The following GRID2 variants were observed in gnomAD, a reference collection of about 807,000 sequenced individuals.
The protein encoded by GRID2 is glutamate ionotropic receptor delta type subunit 2, also known as glutamate receptor ionotropic, delta-2.
Under a neutral mutation model 114.8 loss-of-function variants are expected in GRID2, and 33 were observed. The observed-to-expected ratio is 0.29, with a 90% CI of 0.22 to 0.38. The LOEUF (loss-of-function observed/expected upper bound fraction) is 0.38. Ranked by LOEUF, GRID2 falls within the 10% of genes least tolerant of loss-of-function variation. GRID2 has a pLI of 1.00. For missense variants in GRID2, 1,184 were observed against 1,257.7 expected (o/e 0.94, Z 0.89); for synonymous variants, 505 against 449.9 (o/e 1.12, Z -1.55).
chr4:92,376,399 T>C (rs1729359648), intron 1 of GRID2, among the ~76,000 whole-genome samples: 1 of 152,190 alleles, frequency 6.6e-6, no homozygotes, highest in Non-Finnish European at 1.5e-5. Context: ...CCTATGGTCT[T>C]AGGCAGCTCT....
chr4:92,474,542 G>T (rs1008939330), intron 1 of GRID2, among the ~76,000 whole-genome samples: 1 of 152,200 alleles, frequency 6.6e-6, no homozygotes, highest in Non-Finnish European at 1.5e-5. Context: ...ACAGAAGTGA[G>T]AATGCTGGAT....
intron 13 of GRID2, among the ~76,000 whole-genome samples, chr4:93,577,068 A>G (rs924195151): frequency 6.6e-6 from 1 of 152,196 alleles, no homozygotes; most frequent in Non-Finnish European, 1.5e-5. Context: ...CCTTTCCCCA[A>G]AAATGTGTGT....
At chr4:93,700,269 T>C (rs975497112) in intron 14 of GRID2, among the ~76,000 whole-genome samples, 14 of 152,114 alleles carry the variant, frequency 9.2e-5, no homozygotes, top group African/African-American at 3.4e-4. Flanking sequence ...ATATAAACCA[T>C]CTTATTCATG....
chr4:92,960,477 T>C (rs980980629), intron 2 of GRID2, among the ~76,000 whole-genome samples: 2 of 152,068 alleles, frequency 1.3e-5, no homozygotes, highest in African/African-American at 4.8e-5. Flanking sequence ...GACTGTCATG[T>C]CTTCTTAAAG....
intron 11 of GRID2, among the ~76,000 whole-genome samples, chr4:93,487,421 A>G (rs1408974294): frequency 6.6e-6 from 1 of 151,838 alleles, no homozygotes; most frequent in African/African-American, 2.4e-5. Context: ...CCTTCAATAC[A>G]ATTTAGCTGC....
At chr4:92,761,565 C>T (rs547855584) in intron 2 of GRID2, among the ~76,000 whole-genome samples, 2 of 152,240 alleles carry the variant, frequency 1.3e-5, no homozygotes, top group South Asian at 4.1e-4. Flanking sequence ...CACCAAAATG[C>T]AGACTTCAAA....
At chr4:92,921,152 G>A (rs1014199951) in intron 2 of GRID2, among the ~76,000 whole-genome samples, 3 of 152,022 alleles carry the variant, frequency 2.0e-5, no homozygotes, top group African/African-American at 4.8e-5. Flanking sequence ...GGCTACTGAG[G>A]CTTGTACATT....
At chr4:93,007,344 TA>T (rs938477328) in intron 2 of GRID2, among the ~76,000 whole-genome samples, 2 of 151,308 alleles carry the variant, frequency 1.3e-5, no homozygotes, top group Non-Finnish European at 3.0e-5. Context: ...AAGGATATTT[TA>T]AAAAAAAACC....
intron 2 of GRID2, among the ~76,000 whole-genome samples, chr4:92,624,637 T>C (rs1327444666): frequency 1.3e-5 from 2 of 151,812 alleles, no homozygotes; most frequent in African/African-American, 4.8e-5. Context: ...AGAGTTTCTC[T>C]CAGTAAATTC....
chr4:93,522,968 G>A (rs1382165013), intron 13 of GRID2, among the ~76,000 whole-genome samples: 3 of 152,128 alleles, frequency 2.0e-5, no homozygotes, highest in African/African-American at 7.2e-5. Context: ...GTGACAGAAA[G>A]CCAAGTGATA....
At chr4:92,685,957 G>T (rs1733878463) in intron 2 of GRID2, among the ~76,000 whole-genome samples, 1 of 151,928 alleles carries the variant, frequency 6.6e-6, no homozygotes, top group African/African-American at 2.4e-5. Flanking sequence ...TTTACTCTCA[G>T]TTTAACGTTA....
At chr4:93,136,633 A>T (rs1210593713) in intron 4 of GRID2, among the ~76,000 whole-genome samples, 2 of 152,174 alleles carry the variant, frequency 1.3e-5, no homozygotes, top group South Asian at 2.1e-4. Flanking sequence ...TTGTATATAA[A>T]TGTTATATAT....
At chr4:93,315,692 T>C (rs1756505204) in intron 8 of GRID2, among the ~76,000 whole-genome samples, 1 of 152,144 alleles carries the variant, frequency 6.6e-6, no homozygotes, top group South Asian at 2.1e-4. Context: ...TAAATATTTA[T>C]GGAATGAATG....
intron 4 of GRID2, among the ~76,000 whole-genome samples, chr4:93,149,989 T>C (rs1006313437): frequency 6.6e-6 from 1 of 151,950 alleles, no homozygotes; most frequent in African/African-American, 2.4e-5. Context: ...TGAAATCTTA[T>C]CAAGAGAAGT....
chr4:92,997,841 AT>A (rs1755295396), intron 2 of GRID2, among the ~76,000 whole-genome samples: 1 of 152,168 alleles, frequency 6.6e-6, no homozygotes, highest in South Asian at 2.1e-4. Context: ...GTTGAAAAAT[AT>A]CAGAAAATCT....
chr4:92,939,798 C>G (rs1474492922), intron 2 of GRID2, among the ~76,000 whole-genome samples: 1 of 147,258 alleles, frequency 6.8e-6, no homozygotes, highest in Non-Finnish European at 1.5e-5. Flanking sequence ...AGCCAGTTTT[C>G]CCAGCACCAT....
chr4:93,327,138 G>A (rs1433668), intron 8 of GRID2, among the ~76,000 whole-genome samples: 54,438 of 151,798 alleles, frequency 0.36, 11,561 homozygotes, highest in African/African-American at 0.59. Flanking sequence ...GTCTTATTCA[G>A]TATGGTTTTT....
At chr4:92,788,739 T>C (rs1739438333) in intron 2 of GRID2, among the ~76,000 whole-genome samples, 1 of 151,912 alleles carries the variant, frequency 6.6e-6, no homozygotes, top group Admixed American at 6.6e-5. Flanking sequence ...TATCTTAAGA[T>C]ATTGATTTTA....
At chr4:93,669,540 C>T (rs903094227) in intron 14 of GRID2, among the ~76,000 whole-genome samples, 8 of 151,792 alleles carry the variant, frequency 5.3e-5, no homozygotes, top group African/African-American at 1.9e-4. Flanking sequence ...GTCAGTAAAG[C>T]GAAAAACTAA....
Sources: allele counts gnomAD v4.1 joint callset (sites outside exome capture counted in the v4.1 genomes callset), GRCh38; gene constraint gnomAD v4.1.1; transcripts MANE v1.5; gene names NCBI Gene and HGNC (gene_info 2026-07-23, HGNC 2026-07-21).